Variants in ARL17A observed in about 807,000 individuals in gnomAD.
ARL17A encodes ARF like GTPase 17A, also known as ADP-ribosylation factor-like 17-like.
downstream of ARL17A, among the ~76,000 whole-genome samples, chr17:46,526,497 A>T (rs1396432028): frequency 1.9e-5 from 2 of 104,890 alleles, no homozygotes; most frequent in African/African-American, 7.3e-5. Context: ...GCCCCTGGAA[A>T]TTTTTGTATT....
chr17:46,534,703 C>G (rs1281501737), intron 4 of ARL17A, among the ~76,000 whole-genome samples: 1 of 150,044 alleles, frequency 6.7e-6, no homozygotes, highest in Non-Finnish European at 1.5e-5. Context: ...TCTCAATGAG[C>G]TGTTGGGTAC....
the ARL17A span, among the ~76,000 whole-genome samples, chr17:46,502,021 G>C: frequency 7.3e-5 from 11 of 151,252 alleles, no homozygotes; most frequent in Non-Finnish European, 1.5e-4. Flanking sequence ...ATTTCACATA[G>C]CCACTCAAAT....
At chr17:46,502,093 T>G in the ARL17A span, among the ~76,000 whole-genome samples, 1 of 151,096 alleles carries the variant, frequency 6.6e-6, no homozygotes, top group Admixed American at 6.6e-5. Context: ...AAGTAATGAG[T>G]TTTTAGTGCG....
At chr17:46,526,411 G>T (rs571740866), downstream of ARL17A, among the ~76,000 whole-genome samples, 32 of 102,568 alleles carry the variant, frequency 3.1e-4, 1 homozygote, top group East Asian at 7.6e-3. Flanking sequence ...GGCCCCAGCT[G>T]TGGTTGATCG....
At chr17:46,529,818 G>A (rs1313817162) in intron 4 of ARL17A, among the ~76,000 whole-genome samples, 2 of 120,386 alleles carry the variant, frequency 1.7e-5, no homozygotes, top group Non-Finnish European at 3.5e-5. Flanking sequence ...GAATGCCTTA[G>A]AACAGGAGGA....
rs1015787811 is a variant in ARL17A at position 46,541,322 on chromosome 17, G to A, written c.260-2896C>T. 8.7e-5 allele frequency among the ~76,000 whole-genome samples: 13 copies of A among 149,870 alleles called. 1 individual carries two copies. The highest frequency in any genetic ancestry group is 3.3e-4 in the African/African-American group (13 of 39,516). On this transcript the variant is annotated intron_variant, in intron 3 of 4. Transcript: ENST00000329240. The stretch of plus-strand genomic sequence containing the variant: ...GCTGCAGTGCAGCGGCATGACCTAG[G>A]CTCACTGCAACCTCCACCTCCCAGG...
intron 3 of ARL17A, among the ~76,000 whole-genome samples, chr17:46,541,737 A>G (rs1402520122): frequency 1.3e-5 from 2 of 150,974 alleles, no homozygotes; most frequent in Admixed American, 1.3e-4. Context: ...AAAATTTAAA[A>G]TACAGTATAA....
At position 46,553,731 on chromosome 17, in the gene ARL17A, T is replaced by C. The variant is rs1477669543; in HGVS notation, c.*3625A>G. 1 of 392,282 alleles carries C rather than the reference T, an allele frequency of 2.5e-6. No individual in the cohort carries two copies. Among genetic ancestry groups the C allele is most frequent in the Non-Finnish European group, 3.4e-6 (1 of 298,116 alleles). 24.3% of individuals were successfully genotyped at this position (392,282 alleles called of 1,614,324 possible). On this transcript the variant is annotated 3_prime_UTR_variant, in exon 4 of 4. Transcript: ENST00000336125. ...CCCAAGACAGGACAAATACTTACCCTAATGCTTAGCCTGGCTCCAGTGAAA... is the reference window on the plus strand; with the variant it reads ...CCCAAGACAGGACAAATACTTACCCCAATGCTTAGCCTGGCTCCAGTGAAA...
At chr17:46,501,560 A>G in the ARL17A span, among the ~76,000 whole-genome samples, 3 of 151,264 alleles carry the variant, frequency 2.0e-5, no homozygotes, top group Non-Finnish European at 4.4e-5. Flanking sequence ...TTTATCATCA[A>G]CATGCTCATC....
intron 3 of ARL17A, among the ~76,000 whole-genome samples, chr17:46,539,768 C>CCAAAAAAAAAA (rs2054946038): frequency 1.5e-5 from 1 of 67,036 alleles, no homozygotes; most frequent in Non-Finnish European, 2.7e-5. Flanking sequence ...GACTCCATCT[C>CCAAAAAAAAAA]AAAAAAAAAA....
intron 3 of ARL17A, among the ~76,000 whole-genome samples, chr17:46,519,788 T>TG (rs1232450584): frequency 2.7e-5 from 4 of 149,668 alleles, no homozygotes; most frequent in Non-Finnish European, 5.9e-5. Context: ...GTTTTTTTGA[T>TG]GGGGGGAAAA....
At chr17:46,516,101 C>G (rs1380767041), downstream of ARL17A, among the ~76,000 whole-genome samples, 4 of 144,942 alleles carry the variant, frequency 2.8e-5, no homozygotes, top group African/African-American at 1.1e-4. Context: ...GAGATCAAGA[C>G]CATCCTGGCT....
rs1333760260 is a variant in ARL17A at position 46,575,150 on chromosome 17, T to C, written c.148+1025A>G. Among the ~76,000 whole-genome samples, 510 of 109,554 alleles carry C rather than the reference T, an allele frequency of 4.7e-3. 1 individual carries two copies. The highest frequency in any genetic ancestry group is 0.014 in the African/African-American group (456 of 32,618). The allele number at this position is 109,554 out of a possible 152,430, so 71.9% of individuals were successfully genotyped here. ...TTGAGTCCTGTGCCTAATTCAATAT[T>C]CAGAACAGAACAGTAGTAATGTTCA... On this transcript the variant is annotated intron_variant, in intron 2 of 3. Transcript: ENST00000336125.
the ARL17A span, among the ~76,000 whole-genome samples, chr17:46,500,892 G>A: frequency 6.6e-6 from 1 of 151,034 alleles, no homozygotes; most frequent in South Asian, 2.1e-4. Flanking sequence ...AGAAATGCAA[G>A]TTCTGGGCCG....
chr17:46,558,537 C>T (rs1440317135), intron 3 of ARL17A, among the ~76,000 whole-genome samples: 2 of 114,708 alleles, frequency 1.7e-5, no homozygotes, highest in African/African-American at 3.4e-5. Flanking sequence ...CAGGCACCCA[C>T]CACCATGCCC....
rs1454330931 is a variant in ARL17A, at chr17:46,568,515, G to T, written c.259+2244C>A. The stretch of plus-strand genomic sequence containing the variant: ...GCAGTTAAAAAAAAAAAAAAAAAGA[G>T]GGGGGGAGGCCAGGCGAGGTGGCTC... On this transcript the variant is annotated intron_variant, in intron 3 of 3. Coordinates refer to ENST00000336125, the MANE Select transcript of ARL17A (RefSeq NM_001113738.2). Among the ~76,000 whole-genome samples the T allele has an allele frequency of 6.6e-3, 715 of 108,352 alleles. 85 individuals are homozygous for T. Among genetic ancestry groups the T allele is most frequent in the African/African-American group, 0.026 (657 of 24,968 alleles). The allele number at this position is 108,352 out of a possible 152,430, so 71.1% of individuals were successfully genotyped here. A position where few individuals can be genotyped will look rare whatever the true frequency, so the allele number is the denominator to read the frequency against.
intron 3 of ARL17A, among the ~76,000 whole-genome samples, chr17:46,569,462 G>A (rs1234218016): frequency 6.7e-6 from 1 of 148,426 alleles, no homozygotes; most frequent in East Asian, 2.0e-4. Flanking sequence ...CTTGGTGATG[G>A]GTACATGGGG....
intron 3 of ARL17A, among the ~76,000 whole-genome samples, chr17:46,521,065 G>GT (rs1276592141): frequency 8.3e-4 from 66 of 79,640 alleles, no homozygotes; most frequent in Non-Finnish European, 6.8e-5. Flanking sequence ...AGCTAGAAAT[G>GT]TTTACACTAA....
intron 3 of ARL17A, among the ~76,000 whole-genome samples, chr17:46,545,814 G>C (rs1259011304): frequency 6.7e-5 from 10 of 149,390 alleles, no homozygotes; most frequent in Non-Finnish European, 1.5e-4. Context: ...TTTTAACTCC[G>C]CAATCCAGGT....
Sources: allele counts gnomAD v4.1 joint callset (sites outside exome capture counted in the v4.1 genomes callset), GRCh38; gene constraint gnomAD v4.1.1; transcripts MANE v1.5; gene names NCBI Gene and HGNC (gene_info 2026-07-23, HGNC 2026-07-21).